The following COL23A1 variants were observed in gnomAD, a reference collection of about 807,000 sequenced individuals.
The protein encoded by COL23A1 is collagen type XXIII alpha 1 chain, also known as collagen alpha-1(XXIII) chain.
In COL23A1, 97 loss-of-function variants were observed where a neutral mutation model predicts 99.3. That is an observed-to-expected ratio of 0.98 (90% CI 0.83 to 1.16). The LOEUF (loss-of-function observed/expected upper bound fraction) is 1.16. Ranked by LOEUF, COL23A1 falls within the 50% of genes most tolerant of loss-of-function variation. COL23A1 has a pLI of 0.00. For missense variants in COL23A1, 762 were observed against 757.4 expected, an observed-to-expected ratio of 1.01 and a Z score of -0.07; for synonymous variants, 320 against 308.2, an observed-to-expected ratio of 1.04 and a Z score of -0.40.
At position 178,428,881 on chromosome 5, in the gene COL23A1, C is replaced by T. The variant is rs1340882077; in HGVS notation, c.362-121962G>A. 1.3e-5 allele frequency among the ~76,000 whole-genome samples: 2 copies of T among 152,158 alleles called. No homozygotes were observed. The highest frequency in any genetic ancestry group is 4.8e-5 in the African/African-American group (2 of 41,436). On this transcript the variant is annotated intron_variant, in intron 2 of 28. Transcript: ENST00000390654. This position sits in a 1 kb window ranked among gnomAD's most constrained non-coding sequence, Gnocchi z 5.0. ...GTGCCTCGTGGGGGTGGGGGCAGGG[C>T]TGCCTTTGCCTCCCTATTGTTTCCA...
intron 2 of COL23A1, among the ~76,000 whole-genome samples, chr5:178,529,355 G>A (rs915247409): frequency 1.5e-4 from 23 of 151,948 alleles, no homozygotes; most frequent in African/African-American, 5.1e-4. Context: ...GGAACTGCAC[G>A]TGGCGTGAAG....
At chr5:178,358,683 ATG>A (rs1174776992) in intron 2 of COL23A1, among the ~76,000 whole-genome samples, 63 of 117,596 alleles carry the variant, frequency 5.4e-4, no homozygotes, top group Non-Finnish European at 3.6e-4. Context: ...GTGTATGTGT[ATG>A]TGTGTGTATG....
intron 2 of COL23A1, among the ~76,000 whole-genome samples, chr5:178,538,519 A>G (rs1761107523): frequency 1.3e-5 from 2 of 152,256 alleles, no homozygotes; most frequent in Non-Finnish European, 2.9e-5. Context: ...TAATCTTGTT[A>G]GAGAACCATA....
Position 178,384,235 on chromosome 5 carries a change from C to T in COL23A1, c.362-77316G>A, listed in dbSNP as rs1019881412. ...GAGCCAGACGCTGCTGCGAGCTGAG[C>T]TGCGATCGCAAATGCACGCAGCTCC... On this transcript the variant is annotated intron_variant, in intron 2 of 28. Coordinates refer to ENST00000390654, the MANE Select transcript of COL23A1 (RefSeq NM_173465.4). The surrounding 1 kb of genome is among the most constrained non-coding windows in gnomAD (Gnocchi z 5.5). Among the ~76,000 whole-genome samples, 2 of 152,206 alleles carry T rather than the reference C, an allele frequency of 1.3e-5. No individual in the cohort carries two copies. Among genetic ancestry groups the T allele is most frequent in the Non-Finnish European group, 2.9e-5 (2 of 68,036 alleles).
intron 1 of COL23A1, among the ~76,000 whole-genome samples, chr5:178,583,620 T>G (rs1763771506): frequency 1.3e-5 from 2 of 152,176 alleles, no homozygotes; most frequent in Admixed American, 1.3e-4. Context: ...CAATCCACAC[T>G]GGTCCATCAG....
intron 2 of COL23A1, among the ~76,000 whole-genome samples, chr5:178,416,906 G>A (rs781316569): frequency 1.3e-5 from 2 of 152,128 alleles, no homozygotes; most frequent in South Asian, 2.1e-4. Flanking sequence ...CAAAGCCTCC[G>A]GTTCAGGCCC....
rs1341082860 is a variant in COL23A1, at chr5:178,511,173, C to T, written c.361+49509G>A. ...TAAATTTTCATCAAATTTTTAAAAACGTTCTTTAGTGACACCAAAAGAAGA... is the reference window on the plus strand; with the variant it reads ...TAAATTTTCATCAAATTTTTAAAAATGTTCTTTAGTGACACCAAAAGAAGA... On this transcript the variant is annotated intron_variant, in intron 2 of 28. Coordinates refer to ENST00000390654, the MANE Select transcript of COL23A1 (RefSeq NM_173465.4). 7.9e-5 allele frequency among the ~76,000 whole-genome samples: 12 copies of T among 152,212 alleles called. No individual in the cohort carries two copies. The East Asian group carries it at 1.9e-3, about 24-fold the overall frequency.
intron 2 of COL23A1, among the ~76,000 whole-genome samples, chr5:178,358,248 G>GTATGTATGTGTGTGTATGTATA (rs796141502): frequency 8.0e-6 from 1 of 125,616 alleles, no homozygotes; most frequent in African/African-American, 2.9e-5. Flanking sequence ...GTATGTGTAT[G>GTATGTATGTGTGTGTATGTATA]TGTGTGTATG....
Position 178,455,709 on chromosome 5 carries a change from T to G in COL23A1, c.361+104973A>C, listed in dbSNP as rs369400597. Reference sequence around the variant, plus strand: ...CGGACCGCACCTCAAGGCCGAGAGCTGGCACCTATCCCCTGCCCACCCATC... The same window carrying G: ...CGGACCGCACCTCAAGGCCGAGAGCGGGCACCTATCCCCTGCCCACCCATC... On this transcript the variant is annotated intron_variant, in intron 2 of 28. Coordinates refer to ENST00000390654, the MANE Select transcript of COL23A1 (RefSeq NM_173465.4). Among the ~76,000 whole-genome samples the G allele has an allele frequency of 2.6e-5, 4 of 152,222 alleles. No individual in the cohort carries two copies. In the East Asian group the frequency reaches 7.8e-4, roughly 30 times the overall value.
intron 2 of COL23A1, among the ~76,000 whole-genome samples, chr5:178,492,485 C>T (rs1757983754): frequency 6.6e-6 from 1 of 152,132 alleles, no homozygotes; most frequent in African/African-American, 2.4e-5. Flanking sequence ...CCTGGACTTC[C>T]AGCCTTGAGA....
At chr5:178,579,291 A>G (rs1397949713) in intron 1 of COL23A1, among the ~76,000 whole-genome samples, 1 of 152,220 alleles carries the variant, frequency 6.6e-6, no homozygotes, top group East Asian at 1.9e-4. Context: ...CTTGGGATAC[A>G]TCCCCTTGTT....
At chr5:178,386,438 C>A (rs79003150) in intron 2 of COL23A1, among the ~76,000 whole-genome samples, 1 of 114,820 alleles carries the variant, frequency 8.7e-6, no homozygotes, top group Non-Finnish European at 1.9e-5. Flanking sequence ...GACTCCGTCT[C>A]CAAAAAAAAA....
At chr5:178,263,756 T>C (rs1404509264) in intron 8 of COL23A1, among the ~76,000 whole-genome samples, 1 of 152,220 alleles carries the variant, frequency 6.6e-6, no homozygotes, top group Non-Finnish European at 1.5e-5. Context: ...CATTTATCCT[T>C]GTTCACAGCT....
intron 22 of COL23A1, among the ~76,000 whole-genome samples, chr5:178,246,728 CGGGGGGGG>C (rs5873597): frequency 0.37 from 53,758 of 147,120 alleles, 11,442 homozygotes; most frequent in South Asian, 0.49. Flanking sequence ...AGACGGGGGG[CGGGGGGGG>C]GGGGACAGGC....
At chr5:178,566,614 G>A (rs1377825972) in intron 1 of COL23A1, among the ~76,000 whole-genome samples, 7 of 151,886 alleles carry the variant, frequency 4.6e-5, no homozygotes, top group South Asian at 2.1e-4. Context: ...TCAGGAGTTC[G>A]AGACCAGCCT....
At chr5:178,325,928 T>C (rs1759624567) in intron 2 of COL23A1, among the ~76,000 whole-genome samples, 1 of 152,270 alleles carries the variant, frequency 6.6e-6, no homozygotes, top group African/African-American at 2.4e-5. Flanking sequence ...CGGTGGGAAA[T>C]GCCAGTTTAT....
intron 1 of COL23A1, among the ~76,000 whole-genome samples, chr5:178,588,018 T>C (rs1764087555): frequency 6.6e-6 from 1 of 152,150 alleles, no homozygotes; most frequent in Non-Finnish European, 1.5e-5. Flanking sequence ...GCGCCTCAGA[T>C]ACCCAGCTGG....
chr5:178,241,794 G>A (rs1764414476), intron 27 of COL23A1, among the ~76,000 whole-genome samples: 1 of 152,248 alleles, frequency 6.6e-6, no homozygotes, highest in Admixed American at 6.5e-5. Context: ...GAGGGGCTGG[G>A]CCTCCAGCTC....
At position 178,281,944 on chromosome 5, in the gene COL23A1, T is replaced by A. The variant is rs372900164; in HGVS notation, c.441+6380A>T. ...GTGCGTACCTGTAATCCTAGCTACTTGGGAGGCTGAGGCACGAGAATCACT... is the reference window on the plus strand; with the variant it reads ...GTGCGTACCTGTAATCCTAGCTACTAGGGAGGCTGAGGCACGAGAATCACT... On this transcript the variant is annotated intron_variant, in intron 5 of 28. Transcript: ENST00000390654. The surrounding 1 kb of genome is among the most constrained non-coding windows in gnomAD (Gnocchi z 4.0). 2.7e-5 allele frequency among the ~76,000 whole-genome samples: 4 copies of A among 149,172 alleles called. No homozygotes were observed. The highest frequency in any genetic ancestry group is 9.9e-5 in the African/African-American group (4 of 40,466).
Sources: allele counts gnomAD v4.1 joint callset (sites outside exome capture counted in the v4.1 genomes callset), GRCh38; gene constraint gnomAD v4.1.1; non-coding constraint Gnocchi (gnomAD v3.1); transcripts MANE v1.5; gene names NCBI Gene and HGNC (gene_info 2026-07-23, HGNC 2026-07-21).